The following FBXW11 variants were observed in gnomAD, a reference collection of about 807,000 sequenced individuals.
FBXW11 encodes F-box/WD repeat-containing protein 11.
In FBXW11, 19 loss-of-function variants were observed where a neutral mutation model predicts 77.6. That is an observed-to-expected ratio of 0.24 (90% CI 0.17 to 0.36). The LOEUF is 0.36. FBXW11 is among the 10% of genes least tolerant of loss of function. The pLI, the probability that FBXW11 is intolerant of heterozygous loss-of-function variation, is 1.00. For synonymous variants in FBXW11, 235 were observed against 249.4 expected (o/e 0.94, Z 0.54); for missense variants, 334 against 704.2 (o/e 0.47, Z 5.95).
rs80019129 is a variant in FBXW11 at position 172,000,574 on chromosome 5, C to T, written c.45+5884G>A. 4.3e-4 allele frequency among the ~76,000 whole-genome samples: 65 copies of T among 152,242 alleles called. No homozygotes were observed. The East Asian group carries it at 0.011, about 26-fold the overall frequency. ...GTAAAGCCTCACAAATAAATACATG[C>T]GCAACTCAGGAGAAAGACCTTTTCC... is the stretch of plus-strand genomic sequence containing the variant. On this transcript the variant is annotated intron_variant, in intron 1 of 13. Coordinates refer to ENST00000517395, the MANE Select transcript of FBXW11 (RefSeq NM_001378974.1).
chr5:171,989,874 G>C (rs1765640886), intron 1 of FBXW11, among the ~76,000 whole-genome samples: 1 of 152,136 alleles, frequency 6.6e-6, no homozygotes, highest in African/African-American at 2.4e-5. Context: ...ACAGTATTGT[G>C]GTTACACATG....
At chr5:171,924,888 G>C (rs1191440402) in intron 2 of FBXW11, among the ~76,000 whole-genome samples, 6 of 151,854 alleles carry the variant, frequency 4.0e-5, no homozygotes, top group African/African-American at 1.5e-4. Flanking sequence ...CCCTCTTTGG[G>C]GTCACGCGGA....
intron 2 of FBXW11, among the ~76,000 whole-genome samples, chr5:171,917,396 C>G (rs1233688105): frequency 1.3e-5 from 2 of 152,168 alleles, no homozygotes; most frequent in African/African-American, 4.8e-5. Context: ...GAAAATTTCA[C>G]TCTTCATTTA....
chr5:171,864,829 T>G (rs1357379326), intron 13 of FBXW11, among the ~76,000 whole-genome samples: 5 of 152,084 alleles, frequency 3.3e-5, no homozygotes, highest in African/African-American at 1.2e-4. Flanking sequence ...TTCACAATAT[T>G]TATCATTTTT....
In FBXW11 at chr5:171,871,942, A is replaced by C. The variant is rs900200001; in HGVS notation, c.1340+930T>G. On this transcript the variant is annotated intron_variant, in intron 10 of 13. Transcript: ENST00000517395. Reference sequence around the variant, plus strand: ...GACAATTCCAATGAGGAAGTTAAGAACTGTTTATTGATGAAACATTAAGCA... The same window carrying C: ...GACAATTCCAATGAGGAAGTTAAGACCTGTTTATTGATGAAACATTAAGCA... Among the ~76,000 whole-genome samples, 43 of 152,342 alleles carry C rather than the reference A, an allele frequency of 2.8e-4. 1 individual carries two copies. The highest frequency in any genetic ancestry group is 8.7e-4 in the African/African-American group (36 of 41,586).
intron 7 of FBXW11, among the ~76,000 whole-genome samples, chr5:171,878,990 T>A (rs1287178033): frequency 6.6e-6 from 1 of 152,188 alleles, no homozygotes. Context: ...GAAAATATCA[T>A]GCTTTATTAC....
At chr5:171,987,910 G>C (rs1765531712) in intron 1 of FBXW11, among the ~76,000 whole-genome samples, 2 of 152,112 alleles carry the variant, frequency 1.3e-5, no homozygotes, top group Non-Finnish European at 2.9e-5. Context: ...GTATGCATTT[G>C]ATTCTGTTCT....
At chr5:171,893,445 A>AAAAAAAAC in intron 6 of FBXW11, among the ~76,000 whole-genome samples, 1 of 149,010 alleles carries the variant, frequency 6.7e-6, no homozygotes, top group Non-Finnish European at 1.5e-5. Flanking sequence ...AAAAAAAAAA[A>AAAAAAAAC]AACTAACCCA....
intron 7 of FBXW11, among the ~76,000 whole-genome samples, chr5:171,887,856 A>G (rs1759024157): frequency 6.6e-6 from 1 of 151,796 alleles, no homozygotes; most frequent in Non-Finnish European, 1.5e-5. Context: ...ACAGGGTTTC[A>G]CCATGTTGGC....
intron 2 of FBXW11, among the ~76,000 whole-genome samples, chr5:171,924,594 A>G (rs1407931341): frequency 1.3e-5 from 2 of 152,026 alleles, no homozygotes; most frequent in Non-Finnish European, 1.5e-5. Flanking sequence ...CCTACCGAAC[A>G]TGGGTAGGTA....
Position 171,986,642 on chromosome 5 carries a change from G to A in FBXW11, c.45+19816C>T, listed in dbSNP as rs916514900. Among the ~76,000 whole-genome samples the A allele has an allele frequency of 6.6e-5, 10 of 151,470 alleles. No homozygotes were observed. In the East Asian group the frequency reaches 9.6e-4, roughly 15 times the overall value. The stretch of plus-strand genomic sequence containing the variant: ...CTTAGGAGGCTGAGATAGGAGAATC[G>A]CTTGAACCTAGGAAGTAAGGGTTGC... On this transcript the variant is annotated intron_variant, in intron 1 of 13. Coordinates refer to ENST00000517395, the MANE Select transcript of FBXW11 (RefSeq NM_001378974.1).
chr5:171,888,314 C>T (rs947323647), intron 7 of FBXW11, among the ~76,000 whole-genome samples: 2 of 152,230 alleles, frequency 1.3e-5, no homozygotes, highest in South Asian at 4.1e-4. Context: ...ATGACTTGGG[C>T]TTACCCTTGA....
intron 1 of FBXW11, among the ~76,000 whole-genome samples, chr5:171,973,081 C>A (rs1764623688): frequency 6.6e-6 from 1 of 152,178 alleles, no homozygotes; most frequent in Non-Finnish European, 1.5e-5. Context: ...TACTGTGGCA[C>A]AGTGGAAAGA....
chr5:171,943,794 T>C (rs1762866322), intron 2 of FBXW11, among the ~76,000 whole-genome samples: 1 of 152,188 alleles, frequency 6.6e-6, no homozygotes, highest in Admixed American at 6.6e-5. Flanking sequence ...TCAACATATA[T>C]TCAAACTGCT....
chr5:171,945,446 G>T (rs896573179), intron 2 of FBXW11, among the ~76,000 whole-genome samples: 1 of 152,128 alleles, frequency 6.6e-6, no homozygotes, highest in Non-Finnish European at 1.5e-5. Context: ...CCCCTGTTTA[G>T]GTCACAAGCT....
chr5:171,876,242 A>G lies in FBXW11; in HGVS notation c.1221+43T>C, dbSNP rs1581131270. 18 of 1,608,188 alleles carry G rather than the reference A, an allele frequency of 1.1e-5. No homozygotes were observed. In the East Asian group the frequency reaches 4.0e-4, roughly 36 times the overall value. Reference sequence around the variant, plus strand: ...CACCTCTGCTTTGTCTCTGTTCTAAAAGGGACAGGAACAGGTAGGGTTATG... The same window carrying G: ...CACCTCTGCTTTGTCTCTGTTCTAAGAGGGACAGGAACAGGTAGGGTTATG... On this transcript the variant is annotated intron_variant, in intron 9 of 13. Coordinates refer to ENST00000517395, the MANE Select transcript of FBXW11 (RefSeq NM_001378974.1). The surrounding 1 kb of genome is among the most constrained non-coding windows in gnomAD (Gnocchi z 4.2).
chr5:171,928,375 T>C (rs1028872871), intron 2 of FBXW11, among the ~76,000 whole-genome samples: 3 of 152,244 alleles, frequency 2.0e-5, no homozygotes, highest in Non-Finnish European at 2.9e-5. Context: ...ACGATGTTTT[T>C]TGCGTAAGTA....
At chr5:171,970,635 G>A (rs1354562661) in intron 1 of FBXW11, among the ~76,000 whole-genome samples, 1 of 152,198 alleles carries the variant, frequency 6.6e-6, no homozygotes, top group Non-Finnish European at 1.5e-5. Context: ...TTCCAAGTTA[G>A]TAGTGTTTTA....
intron 2 of FBXW11, among the ~76,000 whole-genome samples, chr5:171,914,845 C>CT (rs1199123300): frequency 6.6e-6 from 1 of 151,968 alleles, no homozygotes; most frequent in Non-Finnish European, 1.5e-5. Context: ...GGAAGCCCCC[C>CT]TGCCTTCGTC....
Sources: gnomAD v4.1 joint callset for allele counts (sites outside exome capture counted in the v4.1 genomes callset) on GRCh38, gnomAD v4.1.1 for gene constraint, Gnocchi (gnomAD v3.1) non-coding constraint, MANE v1.5 for transcripts, NCBI Gene and HGNC (gene_info 2026-07-23, HGNC 2026-07-21) for gene names.